The following UBE3A variants were observed in gnomAD, a reference collection of about 807,000 sequenced individuals.
UBE3A encodes ubiquitin-protein ligase E3A.
Under a neutral mutation model 83.4 loss-of-function variants are expected in UBE3A, and 6 were observed. The ratio of observed to expected loss-of-function variants is 0.07; its 90% confidence interval spans 0.04 to 0.14. The LOEUF (loss-of-function observed/expected upper bound fraction) is 0.14. Among genes scored for constraint, UBE3A ranks in the 10% least tolerant of loss-of-function variants. The probability of loss-of-function intolerance (pLI) is 1.00; values close to 1 mark genes in which losing one functional copy is unlikely to be tolerated. For synonymous variants in UBE3A, 337 were observed against 355.4 expected (o/e 0.95, Z 0.58); for missense variants, 456 against 1,036.1 (o/e 0.44, Z 7.69).
chr15:25,432,798 T>A (rs2153186392), intron 1 of UBE3A, among the ~76,000 whole-genome samples: 1 of 152,342 alleles, frequency 6.6e-6, no homozygotes, highest in Admixed American at 6.5e-5. Context: ...TCAGGGCTCA[T>A]ATACTACCTC....
chr15:25,356,577 A>G (rs2077243015), intron 8 of UBE3A, 114 bp downstream of exon 8: 1 of 1,024,308 alleles, frequency 9.8e-7, no homozygotes, highest in Non-Finnish European at 1.5e-6. Flanking sequence ...TATCTTATTG[A>G]TAAGAGTATC....
At chr15:25,398,785 ATATATATATATATATATATATATATATAT>A (rs2086267385) in intron 4 of UBE3A, among the ~76,000 whole-genome samples, 1 of 35,368 alleles carries the variant, frequency 2.8e-5, no homozygotes, top group Non-Finnish European at 5.4e-5. Flanking sequence ...ATATATATAT[ATATATATATATATATATATATATATATAT>A]AAAAATACAT....
At chr15:25,424,889 C>T (rs1394300989) in intron 1 of UBE3A, among the ~76,000 whole-genome samples, 1 of 152,054 alleles carries the variant, frequency 6.6e-6, no homozygotes, top group African/African-American at 2.4e-5. Flanking sequence ...GGAAAGATAT[C>T]CCATGCTCAT....
intron 4 of UBE3A, among the ~76,000 whole-genome samples, chr15:25,377,236 G>T (rs1350864257): frequency 6.6e-6 from 1 of 151,948 alleles, no homozygotes; most frequent in African/African-American, 2.4e-5. Flanking sequence ...CTCAACAGAA[G>T]AACTTTCACT....
intron 1 of UBE3A, among the ~76,000 whole-genome samples, chr15:25,433,847 G>A (rs549973089): frequency 5.9e-5 from 9 of 152,050 alleles, no homozygotes; most frequent in South Asian, 2.1e-4. Context: ...AGGCCAAGCC[G>A]CTTGAGACCA....
chr15:25,422,788 A>C (rs1890202248), intron 1 of UBE3A, among the ~76,000 whole-genome samples: 1 of 148,918 alleles, frequency 6.7e-6, no homozygotes, highest in South Asian at 2.2e-4. Context: ...CAGTCTGGGC[A>C]ACACACTGAG....
chr15:25,391,072 A>G (rs1344128082), intron 4 of UBE3A, among the ~76,000 whole-genome samples: 1 of 152,236 alleles, frequency 6.6e-6, no homozygotes, highest in Non-Finnish European at 1.5e-5. Context: ...TCAACATTAC[A>G]ATATTCAAGA....
At chr15:25,432,253 T>C (rs1159121834) in intron 1 of UBE3A, among the ~76,000 whole-genome samples, 1 of 152,232 alleles carries the variant, frequency 6.6e-6, no homozygotes, top group Non-Finnish European at 1.5e-5. Flanking sequence ...TTGTTTTCAG[T>C]ATTTCTATAT....
In UBE3A at chr15:25,405,316, A is replaced by T. The variant is rs148670943; in HGVS notation, c.62+145T>A. The stretch of plus-strand genomic sequence containing the variant: ...GGTTTAGAGTTATCTGATAGGAAAA[A>T]AAGTAGGTATGTTCCTATCTCCCAT... On this transcript the variant is annotated intron_variant, in intron 4 of 12. Coordinates refer to ENST00000648336, the MANE Select transcript of UBE3A (RefSeq NM_130839.5). The T allele has an allele frequency of 2.1e-4, 186 of 898,358 alleles. 1 individual carries two copies. The African/African-American group carries it at 2.9e-3, about 14-fold the overall frequency. 55.6% of individuals were successfully genotyped at this position (898,358 alleles called of 1,614,324 possible).
At position 25,375,599 on chromosome 15, in the gene UBE3A, T is replaced by C; in HGVS notation, c.227A>G (p.Asn76Ser). 6.2e-7 allele frequency: 1 copy of C among 1,614,208 alleles called. No individual in the cohort carries two copies. Among genetic ancestry groups the C allele is most frequent in the Non-Finnish European group, 8.5e-7 (1 of 1,180,044 alleles). Reference sequence around the variant, plus strand: ...GGGATGAGGATCACAGAGTTTTGCATTAATCTTATAAAGCTCGAGGGCTTT... The same window carrying C: ...GGGATGAGGATCACAGAGTTTTGCACTAATCTTATAAAGCTCGAGGGCTTT... ...AIKALELYKI[N>S]AKLCDPHPSK... is the part of the protein sequence containing the mutation. Residue 76 changes from asparagine to serine, a missense_variant, in exon 5 of 13, where the codon AAT becomes AGT. Physicochemically the swap from Asn to Ser is conservative, Grantham distance 46. This residue lies in a region of UBE3A where 20 missense variants were observed against 50.4 expected (regional missense o/e 0.40). Coordinates refer to ENST00000648336, the MANE Select transcript of UBE3A (RefSeq NM_130839.5).
intron 11 of UBE3A, among the ~76,000 whole-genome samples, chr15:25,341,376 C>G (rs2152525160): frequency 6.6e-6 from 1 of 151,112 alleles, no homozygotes; most frequent in African/African-American, 2.4e-5. Flanking sequence ...TGGCCTATAG[C>G]TAAATAATGT....
intron 4 of UBE3A, 65 bp downstream of exon 4, chr15:25,405,395 AC>A: frequency 6.7e-7 from 1 of 1,503,654 alleles, no homozygotes; most frequent in East Asian, 2.3e-5. Flanking sequence ...AAATAATGTG[AC>A]GTAATTTAAA....
At chr15:25,400,817 C>T (rs1484664274) in intron 4 of UBE3A, among the ~76,000 whole-genome samples, 1 of 152,172 alleles carries the variant, frequency 6.6e-6, no homozygotes, top group Non-Finnish European at 1.5e-5. Context: ...ATTGCTCTTG[C>T]AAGGACTTCC....
intron 6 of UBE3A, among the ~76,000 whole-genome samples, chr15:25,365,184 A>AT (rs1240859807): frequency 1.3e-5 from 2 of 151,950 alleles, no homozygotes; most frequent in Admixed American, 6.6e-5. Flanking sequence ...TAGGGAGTTC[A>AT]TTTTTTAAAA....
At chr15:25,393,598 A>T (rs1409882335) in intron 4 of UBE3A, 1 of 152,226 alleles carries the variant, frequency 6.6e-6, no homozygotes, top group Non-Finnish European at 1.5e-5. Context: ...ATATAAAGAA[A>T]TTCAAAATTC....
At chr15:25,408,363 A>T in intron 3 of UBE3A, 2 of 559,952 alleles carry the variant, frequency 3.6e-6, no homozygotes, top group Non-Finnish European at 3.2e-6. Context: ...CAGAACATAT[A>T]ACCTAATTCA....
chr15:25,390,820 A>G (rs73366244), intron 4 of UBE3A, among the ~76,000 whole-genome samples: 1,973 of 152,202 alleles, frequency 0.013, 40 homozygotes, highest in African/African-American at 0.045. Flanking sequence ...TCAGAAAGAC[A>G]TGTACCACTC....
chr15:25,419,312 G>C (rs1035369955), intron 1 of UBE3A: 2 of 152,080 alleles, frequency 1.3e-5, no homozygotes, highest in Non-Finnish European at 2.9e-5. Flanking sequence ...GACACTAGAA[G>C]AAGACAGGAT....
At chr15:25,343,183 G>A (rs73364197) in intron 11 of UBE3A, among the ~76,000 whole-genome samples, 9,489 of 152,114 alleles carry the variant, frequency 0.062, 735 homozygotes, top group African/African-American at 0.18. Context: ...AGTAACATCT[G>A]TTATAGAAAC....
Sources: allele counts gnomAD v4.1 joint callset (sites outside exome capture counted in the v4.1 genomes callset), GRCh38; gene constraint gnomAD v4.1.1; regional missense constraint gnomAD v4.1.1; transcripts MANE v1.5; gene names NCBI Gene and HGNC (gene_info 2026-07-23, HGNC 2026-07-21).